UGGT2: variants seen among roughly 807,000 people sequenced by gnomAD.
The protein encoded by UGGT2 is UDP-glucose:glycoprotein glucosyltransferase 2.
In UGGT2, 180 loss-of-function variants were observed where a neutral mutation model predicts 192.1. The observed-to-expected ratio is 0.94, with a 90% CI of 0.83 to 1.06. The LOEUF (loss-of-function observed/expected upper bound fraction) is 1.06. Among genes scored for constraint, UGGT2 ranks in the 50% least tolerant of loss-of-function variants. UGGT2 has a pLI of 0.00. For missense variants in UGGT2, 1,849 were observed against 1,795.7 expected (o/e 1.03, Z -0.54); for synonymous variants, 580 against 591.0 (o/e 0.98, Z 0.27).
chr13:95,933,506 C>T (rs1023775382), intron 17 of UGGT2, among the ~76,000 whole-genome samples: 29 of 152,192 alleles, frequency 1.9e-4, no homozygotes, highest in African/African-American at 6.3e-4. Context: ...CAAGAGCTAA[C>T]TTTTGGTTTC....
chr13:95,881,357 A>C (rs559247634), intron 27 of UGGT2, among the ~76,000 whole-genome samples: 3 of 152,250 alleles, frequency 2.0e-5, no homozygotes, highest in South Asian at 2.1e-4. Context: ...GTTTTGTTTA[A>C]ATTTCTAAGT....
intron 25 of UGGT2, among the ~76,000 whole-genome samples, chr13:95,888,458 C>T (rs1192270555): frequency 6.6e-6 from 1 of 152,060 alleles, no homozygotes; most frequent in Non-Finnish European, 1.5e-5. Context: ...TTTGATAGTC[C>T]CCATCTCCAC....
chr13:95,815,728 T>C (rs1320767990), intron 38 of UGGT2, among the ~76,000 whole-genome samples: 1 of 152,178 alleles, frequency 6.6e-6, no homozygotes, highest in Non-Finnish European at 1.5e-5. Flanking sequence ...GCAAAAATCT[T>C]GAATAGGCAC....
chr13:95,890,030 C>T (rs2047755734), intron 25 of UGGT2, among the ~76,000 whole-genome samples: 1 of 152,140 alleles, frequency 6.6e-6, no homozygotes, highest in Non-Finnish European at 1.5e-5. Flanking sequence ...AACCCCAAGG[C>T]AGCCTACACT....
At chr13:95,895,361 A>AATGTTTTTCCT in intron 22 of UGGT2, 57 bp from the exon 23 acceptor site, 2 of 1,088,326 alleles carry the variant, frequency 1.8e-6, no homozygotes, top group Non-Finnish European at 2.5e-6. Flanking sequence ...CAGTTTAGGA[A>AATGTTTTTCCT]AAACATTTCC....
chr13:95,945,708 A>G (rs2049842670), intron 15 of UGGT2, among the ~76,000 whole-genome samples: 1 of 152,070 alleles, frequency 6.6e-6, no homozygotes, highest in Non-Finnish European at 1.5e-5. Flanking sequence ...TAAAAGATGT[A>G]ACTCAAATTG....
chr13:95,804,775 A>G (rs1884224095), intron 38 of UGGT2, among the ~76,000 whole-genome samples: 1 of 152,318 alleles, frequency 6.6e-6, no homozygotes. Flanking sequence ...ATCTTACATG[A>G]CATATGAAAA....
intron 37 of UGGT2, among the ~76,000 whole-genome samples, chr13:95,833,714 C>T (rs767437073): frequency 6.6e-6 from 1 of 152,068 alleles, no homozygotes; most frequent in Non-Finnish European, 1.5e-5. Context: ...ATATATTGGA[C>T]GTGAGCTGTA....
intron 11 of UGGT2, among the ~76,000 whole-genome samples, chr13:95,971,784 C>T (rs2050780976): frequency 6.6e-6 from 1 of 151,954 alleles, no homozygotes; most frequent in Non-Finnish European, 1.5e-5. Context: ...AGAGAAAAGC[C>T]CCATTTGAGA....
At chr13:95,879,901 T>A (rs2047444562) in intron 27 of UGGT2, among the ~76,000 whole-genome samples, 1 of 151,264 alleles carries the variant, frequency 6.6e-6, no homozygotes, top group Non-Finnish European at 1.5e-5. Context: ...ATTAATTTTT[T>A]TTTATTATAC....
intron 15 of UGGT2, among the ~76,000 whole-genome samples, chr13:95,945,668 A>G (rs770467100): frequency 3.3e-5 from 5 of 152,180 alleles, no homozygotes; most frequent in Non-Finnish European, 7.4e-5. Context: ...ATGATCCTTT[A>G]CAATAAAATG....
At chr13:96,021,533 A>G (rs1398302115) in intron 4 of UGGT2, among the ~76,000 whole-genome samples, 1 of 152,190 alleles carries the variant, frequency 6.6e-6, no homozygotes, top group Non-Finnish European at 1.5e-5. Flanking sequence ...GACCGATAAA[A>G]ATTAAAGATG....
chr13:95,867,710 G>A (rs1890803907), intron 29 of UGGT2, among the ~76,000 whole-genome samples: 2 of 152,084 alleles, frequency 1.3e-5, no homozygotes, highest in African/African-American at 4.8e-5. Context: ...TATCTTTGCT[G>A]TTATATACCA....
chr13:95,872,569 T>C, intron 29 of UGGT2, among the ~76,000 whole-genome samples: 1 of 152,178 alleles, frequency 6.6e-6, no homozygotes, highest in East Asian at 1.9e-4. Flanking sequence ...AACATGTATT[T>C]TTTTTGCATT....
intron 4 of UGGT2, 56 bp downstream of exon 4, chr13:96,022,984 T>C (rs994524650): frequency 1.6e-6 from 2 of 1,264,732 alleles, no homozygotes; most frequent in Admixed American, 2.6e-5. Context: ...AAGTTTCTGC[T>C]ATTGAACTCT....
At chr13:96,022,988 G>C in intron 4 of UGGT2, 52 bp downstream of exon 4, 1 of 1,320,782 alleles carries the variant, frequency 7.6e-7, no homozygotes, top group African/African-American at 1.5e-5. Context: ...TTCTGCTATT[G>C]AACTCTCCTC....
intron 21 of UGGT2, 80 bp from the exon 22 acceptor site, chr13:95,901,018 T>G: frequency 9.8e-7 from 1 of 1,017,306 alleles, no homozygotes; most frequent in Non-Finnish European, 1.3e-6. Flanking sequence ...AAACTAATAT[T>G]AGTATAAAAT....
At chr13:95,975,997 A>G (rs1475777184) in intron 10 of UGGT2, among the ~76,000 whole-genome samples, 2 of 152,148 alleles carry the variant, frequency 1.3e-5, no homozygotes, top group Non-Finnish European at 2.9e-5. Context: ...CAGTTAAAGT[A>G]TACAATAAAT....
chr13:95,934,607 T>C (rs1159203496), intron 17 of UGGT2, among the ~76,000 whole-genome samples: 1 of 152,164 alleles, frequency 6.6e-6, no homozygotes, highest in Admixed American at 6.5e-5. Flanking sequence ...GACTCATCTG[T>C]CTGCTGTCTT....
Sources: allele counts gnomAD v4.1 joint callset (sites outside exome capture counted in the v4.1 genomes callset), GRCh38; gene constraint gnomAD v4.1.1; transcripts MANE v1.5; gene names NCBI Gene and HGNC (gene_info 2026-07-23, HGNC 2026-07-21).